The following RNF6 variants were observed in gnomAD, a reference collection of about 807,000 sequenced individuals.
RNF6 encodes ring finger protein 6.
In RNF6, 21 loss-of-function variants were observed where a neutral mutation model predicts 50.1. The ratio of observed to expected loss-of-function variants is 0.42; its 90% CI spans 0.30 to 0.60. The LOEUF (loss-of-function observed/expected upper bound fraction) is 0.60. RNF6 is among the 20% of genes least tolerant of loss of function. RNF6 has a pLI of 0.20. For missense variants in RNF6, 698 were observed against 838.2 expected, an observed-to-expected ratio of 0.83 and a Z score of 2.07; for synonymous variants, 255 against 291.8, an observed-to-expected ratio of 0.87 and a Z score of 1.29.
At chr13:26,183,955 T>C (rs1405871993) in intron 5 of RNF6, among the ~76,000 whole-genome samples, 1 of 144,626 alleles carries the variant, frequency 6.9e-6, no homozygotes, top group Middle Eastern at 3.3e-3. Flanking sequence ...TATATATACA[T>C]ACTGGTGGAG....
At chr13:26,192,852 C>A (rs143437536) in intron 5 of RNF6, among the ~76,000 whole-genome samples, 359 of 152,274 alleles carry the variant, frequency 2.4e-3, no homozygotes, top group Middle Eastern at 6.8e-3. Flanking sequence ...TGTGAGAGAC[C>A]CTGAAACAGA....
intron 5 of RNF6, among the ~76,000 whole-genome samples, chr13:26,169,800 G>A (rs1427656490): frequency 6.6e-6 from 1 of 152,050 alleles, no homozygotes; most frequent in African/African-American, 2.4e-5. Flanking sequence ...TTTCCTTTTG[G>A]TAAAGCCAAT....
intron 5 of RNF6, among the ~76,000 whole-genome samples, chr13:26,161,006 T>A (rs760741926): frequency 6.6e-5 from 10 of 152,272 alleles, no homozygotes; most frequent in Middle Eastern, 3.4e-3. Context: ...AGCCACATTG[T>A]GAGGTACTGG....
At chr13:26,179,565 C>T (rs1312155828) in intron 5 of RNF6, among the ~76,000 whole-genome samples, 1 of 152,176 alleles carries the variant, frequency 6.6e-6, no homozygotes, top group Non-Finnish European at 1.5e-5. Context: ...TCCTTCTTAT[C>T]TCACGGCTCT....
intron 5 of RNF6, among the ~76,000 whole-genome samples, chr13:26,172,381 A>G (rs930221542): frequency 6.6e-6 from 1 of 152,214 alleles, no homozygotes; most frequent in African/African-American, 2.4e-5. Context: ...AAAAGAAAAC[A>G]TTGGTGACAT....
At chr13:26,206,380 G>T (rs1405233430) in intron 5 of RNF6, among the ~76,000 whole-genome samples, 1 of 152,204 alleles carries the variant, frequency 6.6e-6, no homozygotes, top group East Asian at 1.9e-4. Flanking sequence ...TCTGCAGCAG[G>T]CTGTCGAATT....
chr13:26,184,600 T>C (rs1426771077), intron 5 of RNF6, among the ~76,000 whole-genome samples: 6 of 152,212 alleles, frequency 3.9e-5, no homozygotes, highest in Admixed American at 3.9e-4. Flanking sequence ...TTGTTTCCCC[T>C]TTATTGAGTA....
chr13:26,140,866 G>A (rs1870903877), intron 5 of RNF6, among the ~76,000 whole-genome samples: 1 of 152,140 alleles, frequency 6.6e-6, no homozygotes. Context: ...AATCAAGAAT[G>A]CAATCCCATT....
intron 5 of RNF6, among the ~76,000 whole-genome samples, chr13:26,200,821 C>A (rs900017365): frequency 2.1e-4 from 32 of 152,180 alleles, no homozygotes; most frequent in African/African-American, 7.7e-4. Context: ...TTTCTTGCTG[C>A]CCCATTCAGA....
chr13:26,206,186 C>A (rs1301208749), intron 5 of RNF6, among the ~76,000 whole-genome samples: 1 of 152,034 alleles, frequency 6.6e-6, no homozygotes, highest in Non-Finnish European at 1.5e-5. Context: ...TCCGCCTCCC[C>A]CCCACCACCC....
intron 5 of RNF6, among the ~76,000 whole-genome samples, chr13:26,137,682 G>A (rs1194195313): frequency 2.0e-5 from 3 of 151,456 alleles, no homozygotes; most frequent in Non-Finnish European, 4.4e-5. Flanking sequence ...TAGAAACTCT[G>A]GGGTTGAAAA....
At position 26,197,899 on chromosome 13, in the gene RNF6, TA is replaced by T. The variant is rs1487420829; in HGVS notation, n.768+17574del. ...GAATTGAATTCAAAATCAATAGCAATAAGGTTTTCAGGAAGCCCCCGTAACA... is the reference window on the plus strand; with the variant it reads ...GAATTGAATTCAAAATCAATAGCAATAGGTTTTCAGGAAGCCCCCGTAACA... On this transcript the variant is annotated intron_variant and non_coding_transcript_variant, in intron 5 of 5. Transcript: ENST00000468480. Among the ~76,000 whole-genome samples, 4 of 151,684 alleles carry T rather than the reference TA, an allele frequency of 2.6e-5. No homozygotes were observed. The East Asian group carries it at 7.7e-4, about 29-fold the overall frequency.
intron 5 of RNF6, among the ~76,000 whole-genome samples, chr13:26,191,702 C>G (rs1284073527): frequency 6.6e-6 from 1 of 152,182 alleles, no homozygotes; most frequent in Non-Finnish European, 1.5e-5. Flanking sequence ...GAGGCCTCCC[C>G]AGCCATGCAG....
At chr13:26,212,203 C>T (rs1426784649), downstream of RNF6, among the ~76,000 whole-genome samples, 1 of 152,124 alleles carries the variant, frequency 6.6e-6, no homozygotes, top group Non-Finnish European at 1.5e-5. Context: ...CCCTATGCCA[C>T]TAAAATCAAG....
downstream of RNF6, among the ~76,000 whole-genome samples, chr13:26,209,373 C>A (rs1869226669): frequency 6.6e-6 from 1 of 152,238 alleles, no homozygotes. Flanking sequence ...TTCTATCATT[C>A]ATCCTGCTAA....
intron 5 of RNF6, among the ~76,000 whole-genome samples, chr13:26,180,101 A>T (rs907874195): frequency 6.6e-6 from 1 of 152,184 alleles, no homozygotes; most frequent in Non-Finnish European, 1.5e-5. Context: ...ACCCCCAGAT[A>T]ATCAAGGGCT....
chr13:26,151,127 A>C (rs1199696681), intron 5 of RNF6, among the ~76,000 whole-genome samples: 1 of 152,236 alleles, frequency 6.6e-6, no homozygotes, highest in Non-Finnish European at 1.5e-5. Context: ...TCACCAGTGC[A>C]ACTACTTAAC....
In RNF6 at chr13:26,214,161, G is replaced by A. The variant is rs1256108111; in HGVS notation, c.1721C>T (p.Pro574Leu). 6.2e-7 allele frequency: 1 copy of A among 1,614,168 alleles called. No individual in the cohort carries two copies. The highest frequency in any genetic ancestry group is 1.3e-5 in the African/African-American group (1 of 75,020). ...DSRGGRQLRNPNNLVETGTLP... is the reference protein window; with the variant it reads ...DSRGGRQLRNLNNLVETGTLP... Reference sequence around the variant, plus strand: ...TGTTCCAGTTTCAACTAAATTGTTTGGATTTCGCAACTGCCTGCCACCCCT... The same window carrying A: ...TGTTCCAGTTTCAACTAAATTGTTTAGATTTCGCAACTGCCTGCCACCCCT... The change falls in exon 5 of 5, where the codon CCA becomes CTA. Residue 574 changes from proline (P) to leucine (L), a missense_variant. Pro to Leu is a moderately conservative substitution (Grantham distance 98). Coordinates refer to ENST00000381588, the MANE Select transcript of RNF6 (RefSeq NM_005977.4).
chr13:26,151,621 C>CTTTTTTTT (rs10682446), intron 5 of RNF6, among the ~76,000 whole-genome samples: 1 of 139,570 alleles, frequency 7.2e-6, no homozygotes, highest in Non-Finnish European at 1.5e-5. Context: ...TTCTTTTTTT[C>CTTTTTTTT]TTTTTTTTTT....
Sources: gnomAD v4.1 joint callset for allele counts (sites outside exome capture counted in the v4.1 genomes callset) on GRCh38, gnomAD v4.1.1 for gene constraint, MANE v1.5 for transcripts, NCBI Gene and HGNC (gene_info 2026-07-23, HGNC 2026-07-21) for gene names.